PALM2AKAP2: variants seen among roughly 807,000 people sequenced by gnomAD.
PALM2AKAP2 encodes PALM2-AKAP2 fusion protein.
Under a neutral mutation model 71.5 loss-of-function variants are expected in PALM2AKAP2, and 37 were observed. That is an observed-to-expected ratio of 0.52 (90% CI 0.40 to 0.68). The LOEUF (loss-of-function observed/expected upper bound fraction) is 0.68. Ranked by LOEUF, PALM2AKAP2 falls within the 30% of genes least tolerant of loss-of-function variation. The pLI is 0.00. For synonymous variants in PALM2AKAP2, 468 were observed against 478.8 expected, an observed-to-expected ratio of 0.98 and a Z score of 0.29; for missense variants, 1,224 against 1,191.8, an observed-to-expected ratio of 1.03 and a Z score of -0.40.
intron 6 of PALM2AKAP2, among the ~76,000 whole-genome samples, chr9:110,004,435 T>C (rs964345998): frequency 2.0e-5 from 3 of 152,214 alleles, no homozygotes; most frequent in South Asian, 2.1e-4. Flanking sequence ...GTGGGTAACC[T>C]GACCTTTCTC....
At chr9:109,764,689 G>T (rs1401044527) in intron 1 of PALM2AKAP2, among the ~76,000 whole-genome samples, 1 of 152,206 alleles carries the variant, frequency 6.6e-6, no homozygotes, top group Non-Finnish European at 1.5e-5. Flanking sequence ...GTAGTGGAAG[G>T]TGTTGAATGA....
At chr9:110,134,288 A>C (rs933046139) in intron 1 of PALM2AKAP2, among the ~76,000 whole-genome samples, 1 of 152,190 alleles carries the variant, frequency 6.6e-6, no homozygotes, top group Non-Finnish European at 1.5e-5. Context: ...CTTAAAAAAA[A>C]AAAGGAAGGT....
chr9:109,681,936 A>G (rs961182750), intron 1 of PALM2AKAP2, among the ~76,000 whole-genome samples: 1 of 152,210 alleles, frequency 6.6e-6, no homozygotes, highest in Non-Finnish European at 1.5e-5. Flanking sequence ...GTTTCTCACA[A>G]GAACAGAAGC....
intron 1 of PALM2AKAP2, among the ~76,000 whole-genome samples, chr9:109,670,387 G>C (rs1222326728): frequency 6.6e-6 from 1 of 152,126 alleles, no homozygotes; most frequent in Admixed American, 6.5e-5. Flanking sequence ...GTCTGTTCCT[G>C]TGTTAATTTG....
At chr9:109,757,175 G>A (rs2118725222) in intron 1 of PALM2AKAP2, among the ~76,000 whole-genome samples, 1 of 152,154 alleles carries the variant, frequency 6.6e-6, no homozygotes, top group African/African-American at 2.4e-5. Flanking sequence ...ACCTCCATGA[G>A]ATTAACTTTT....
intron 1 of PALM2AKAP2, among the ~76,000 whole-genome samples, chr9:109,658,140 T>C (rs142387929): frequency 2.6e-5 from 4 of 152,228 alleles, no homozygotes; most frequent in Non-Finnish European, 4.4e-5. Context: ...TTTGAAATGC[T>C]TATTAGACAT....
intron 1 of PALM2AKAP2, among the ~76,000 whole-genome samples, chr9:109,660,036 G>C (rs1587857309): frequency 6.6e-6 from 1 of 152,070 alleles, no homozygotes; most frequent in South Asian, 2.1e-4. Context: ...GTCTCGCCAT[G>C]TTGCCCAGGC....
chr9:109,685,598 C>CAT (rs1018805391), intron 1 of PALM2AKAP2, among the ~76,000 whole-genome samples: 27 of 152,120 alleles, frequency 1.8e-4, no homozygotes, highest in African/African-American at 5.5e-4. Context: ...TATTTACACA[C>CAT]ATATATATAC....
intron 2 of PALM2AKAP2, 64 bp from the exon 3 acceptor site, chr9:109,880,474 CAGCACCACTGCAG>C: frequency 6.4e-7 from 1 of 1,561,898 alleles, no homozygotes; most frequent in Admixed American, 1.7e-5. Flanking sequence ...GGAGCTAAAA[CAGCACCACTGCAG>C]AGGGAGAGGA....
At chr9:110,024,509 C>A (rs1833137367) in intron 7 of PALM2AKAP2, among the ~76,000 whole-genome samples, 1 of 151,902 alleles carries the variant, frequency 6.6e-6, no homozygotes, top group African/African-American at 2.4e-5. Flanking sequence ...CCAGGCTGGG[C>A]ATGGTGGCTT....
intron 6 of PALM2AKAP2, among the ~76,000 whole-genome samples, chr9:109,951,409 A>G (rs1171181609): frequency 6.6e-6 from 1 of 152,238 alleles, no homozygotes; most frequent in Non-Finnish European, 1.5e-5. Context: ...CTGATGCTGT[A>G]CTTGTAGCTT....
intron 1 of PALM2AKAP2, among the ~76,000 whole-genome samples, chr9:110,120,049 A>G (rs1185708841): frequency 6.6e-6 from 1 of 152,232 alleles, no homozygotes; most frequent in Non-Finnish European, 1.5e-5. Flanking sequence ...ACCTATTTAT[A>G]TAGCATCATT....
At chr9:109,880,673 C>T (rs1829826433) in exon 3 of PALM2AKAP2, 4 of 1,613,852 alleles carry the variant, frequency 2.5e-6, no homozygotes, top group Non-Finnish European at 2.5e-6. Context: ...TTGAAGATAA[C>T]ATTCAGAGGT....
chr9:109,889,442 A>G (rs1387776686), intron 3 of PALM2AKAP2, among the ~76,000 whole-genome samples: 1 of 152,230 alleles, frequency 6.6e-6, no homozygotes, highest in Non-Finnish European at 1.5e-5. Flanking sequence ...ACCCAAGTAT[A>G]TACTGGAACA....
chr9:110,041,086 A>G (rs1833504483), intron 7 of PALM2AKAP2, among the ~76,000 whole-genome samples: 1 of 152,182 alleles, frequency 6.6e-6, no homozygotes, highest in African/African-American at 2.4e-5. Context: ...AAAGTGATAC[A>G]TGGCTACATT....
chr9:109,975,695 G>A (rs947151876), intron 6 of PALM2AKAP2, among the ~76,000 whole-genome samples: 13 of 152,216 alleles, frequency 8.5e-5, no homozygotes, highest in Non-Finnish European at 1.3e-4. Flanking sequence ...TTGGAAAGGA[G>A]CCCTTCTTGG....
At chr9:110,019,173 G>A (rs1279175274) in intron 7 of PALM2AKAP2, among the ~76,000 whole-genome samples, 1 of 147,252 alleles carries the variant, frequency 6.8e-6, no homozygotes, top group Admixed American at 6.9e-5. Flanking sequence ...CAGGGAGGCA[G>A]AGATTGCCGT....
chr9:109,799,928 G>T (rs1391303522), intron 1 of PALM2AKAP2, among the ~76,000 whole-genome samples: 1 of 152,186 alleles, frequency 6.6e-6, no homozygotes, highest in African/African-American at 2.4e-5. Flanking sequence ...GCTATTTCTG[G>T]CCTTTGTGAC....
chr9:109,700,895 T>C (rs1196487212), intron 1 of PALM2AKAP2, among the ~76,000 whole-genome samples: 3 of 152,166 alleles, frequency 2.0e-5, no homozygotes, highest in Non-Finnish European at 4.4e-5. Context: ...CACTGGAAGG[T>C]CAAACATGAG....
Sources: gnomAD v4.1 joint callset for allele counts (sites outside exome capture counted in the v4.1 genomes callset) on GRCh38, gnomAD v4.1.1 for gene constraint, MANE v1.5 for transcripts, NCBI Gene and HGNC (gene_info 2026-07-23, HGNC 2026-07-21) for gene names.